Variants in MAGI2 observed in about 807,000 individuals in gnomAD.
MAGI2 encodes membrane-associated guanylate kinase, WW and PDZ domain-containing protein 2.
In MAGI2, 35 loss-of-function variants were observed where a neutral mutation model predicts 133.3. That is an observed-to-expected ratio of 0.26 (90% CI 0.20 to 0.35). MAGI2 has a LOEUF of 0.35. Among genes scored for constraint, MAGI2 ranks in the 10% least tolerant of loss-of-function variants. The pLI is 1.00. For missense variants in MAGI2, 1,636 were observed against 1,863.4 expected, an observed-to-expected ratio of 0.88 and a Z score of 2.25; for synonymous variants, 729 against 710.6, an observed-to-expected ratio of 1.03 and a Z score of -0.41.
chr7:78,230,476 A>T (rs1789851179), intron 10 of MAGI2, among the ~76,000 whole-genome samples: 1 of 152,200 alleles, frequency 6.6e-6, no homozygotes, highest in Non-Finnish European at 1.5e-5. Context: ...TTTAGTGAAT[A>T]TGCAATTTTT....
At chr7:78,974,998 A>G (rs1035915891) in intron 2 of MAGI2, among the ~76,000 whole-genome samples, 1 of 151,772 alleles carries the variant, frequency 6.6e-6, no homozygotes, top group African/African-American at 2.4e-5. Flanking sequence ...CTAAATGTGT[A>G]TGTACCTAAC....
intron 2 of MAGI2, among the ~76,000 whole-genome samples, chr7:78,875,839 A>G (rs1446714839): frequency 6.6e-6 from 1 of 152,210 alleles, no homozygotes; most frequent in Non-Finnish European, 1.5e-5. Context: ...TATGATCTCA[A>G]TGAGTAAACA....
At chr7:79,021,742 G>C (rs1303336430) in intron 1 of MAGI2, among the ~76,000 whole-genome samples, 1 of 152,168 alleles carries the variant, frequency 6.6e-6, no homozygotes, top group Non-Finnish European at 1.5e-5. Flanking sequence ...ATGCTGGAAT[G>C]AATTAAGATT....
chr7:79,057,107 A>G (rs1813217383), intron 1 of MAGI2, among the ~76,000 whole-genome samples: 1 of 152,214 alleles, frequency 6.6e-6, no homozygotes, highest in African/African-American at 2.4e-5. Context: ...AAGCTCACAG[A>G]ACATCTTGTA....
At position 78,889,441 on chromosome 7, in the gene MAGI2, G is replaced by A. The variant is rs1358704023; in HGVS notation, c.418+117649C>T. On this transcript the variant is annotated intron_variant, in intron 2 of 21. Transcript: ENST00000354212. ...ACACATAATTGTCAGATTCAGCAAA[G>A]TTGAAATGAGGAAATAATGTTAAGG... 3.9e-5 allele frequency among the ~76,000 whole-genome samples: 6 copies of A among 152,200 alleles called. No homozygotes were observed. The East Asian group carries it at 1.2e-3, about 29-fold the overall frequency.
intron 2 of MAGI2, among the ~76,000 whole-genome samples, chr7:78,792,634 TA>T (rs1158093366): frequency 2.6e-5 from 4 of 152,238 alleles, no homozygotes; most frequent in Admixed American, 2.0e-4. Context: ...TTTTATGGTT[TA>T]TTTGCTTTTT....
At chr7:79,130,827 GTTAA>G (rs1250227095) in intron 1 of MAGI2, among the ~76,000 whole-genome samples, 1 of 152,184 alleles carries the variant, frequency 6.6e-6, no homozygotes, top group Non-Finnish European at 1.5e-5. Flanking sequence ...GCTCACAGAA[GTTAA>G]TTAACCAAGC....
chr7:79,159,646 A>G (rs1824170503), intron 1 of MAGI2, among the ~76,000 whole-genome samples: 1 of 152,074 alleles, frequency 6.6e-6, no homozygotes, highest in African/African-American at 2.4e-5. Flanking sequence ...ACAAATATTA[A>G]CTTATTTTTA....
chr7:79,176,538 T>G (rs1375293074), intron 1 of MAGI2, among the ~76,000 whole-genome samples: 1 of 152,078 alleles, frequency 6.6e-6, no homozygotes, highest in Non-Finnish European at 1.5e-5. Flanking sequence ...GGTGTACTAG[T>G]GGCCTCTTGG....
intron 1 of MAGI2, among the ~76,000 whole-genome samples, chr7:79,114,288 T>C (rs1024551218): frequency 2.0e-5 from 3 of 152,174 alleles, no homozygotes; most frequent in African/African-American, 7.2e-5. Context: ...ATGAAGGATA[T>C]TGTCTTGCAG....
intron 1 of MAGI2, among the ~76,000 whole-genome samples, chr7:79,382,903 A>T (rs1412794783): frequency 6.6e-6 from 1 of 151,590 alleles, no homozygotes; most frequent in Non-Finnish European, 1.5e-5. Context: ...GTCATACATT[A>T]TGAAAGACCT....
intron 3 of MAGI2, among the ~76,000 whole-genome samples, chr7:78,587,887 A>G (rs1393904476): frequency 6.6e-6 from 1 of 152,254 alleles, no homozygotes; most frequent in Non-Finnish European, 1.5e-5. Context: ...GGTATTCATT[A>G]CATTGGTTAC....
intron 1 of MAGI2, among the ~76,000 whole-genome samples, chr7:79,168,930 A>G (rs1825244927): frequency 1.6e-5 from 2 of 122,638 alleles, no homozygotes; most frequent in Non-Finnish European, 3.4e-5. Context: ...ATATATATAT[A>G]TATAAATTTT....
chr7:78,288,732 G>A (rs755140067), intron 9 of MAGI2, among the ~76,000 whole-genome samples: 87 of 152,324 alleles, frequency 5.7e-4, no homozygotes, highest in Admixed American at 1.1e-3. Context: ...GTGCAGCCGG[G>A]TGCCCCTCTG....
chr7:78,746,165 GCCT>G (rs1216911860), intron 2 of MAGI2, among the ~76,000 whole-genome samples: 6 of 152,136 alleles, frequency 3.9e-5, no homozygotes, highest in African/African-American at 1.4e-4. Context: ...AATATTGCAT[GCCT>G]CCTGACTTTG....
At chr7:79,046,106 A>G (rs1812159575) in intron 1 of MAGI2, among the ~76,000 whole-genome samples, 1 of 152,192 alleles carries the variant, frequency 6.6e-6, no homozygotes, top group African/African-American at 2.4e-5. Context: ...ACAATTTCAA[A>G]GATAGCTTAA....
At chr7:78,386,799 C>T (rs1795430490) in intron 6 of MAGI2, among the ~76,000 whole-genome samples, 1 of 152,168 alleles carries the variant, frequency 6.6e-6, no homozygotes, top group African/African-American at 2.4e-5. Context: ...TGGTACCAGA[C>T]AGGGTAGCCA....
At position 78,825,867 on chromosome 7, in the gene MAGI2, T is replaced by C. The variant is rs536079574; in HGVS notation, c.418+181223A>G. On this transcript the variant is annotated intron_variant, in intron 2 of 21. Transcript: ENST00000354212. ...AGATGTCTCCAACCGATTTGAAAAT[T>C]TATATCCACACAATAAACTCTGTGT... Among the ~76,000 whole-genome samples the C allele has an allele frequency of 2.6e-5, 4 of 152,314 alleles. No individual in the cohort carries two copies. The South Asian group carries it at 6.2e-4, about 24-fold the overall frequency.
intron 10 of MAGI2, among the ~76,000 whole-genome samples, chr7:78,217,975 C>T (rs901182812): frequency 3.9e-5 from 6 of 152,116 alleles, no homozygotes; most frequent in African/African-American, 7.2e-5. Flanking sequence ...TTCAAGCTGC[C>T]GTTTTACTTA....
Sources: gnomAD v4.1 joint callset for allele counts (sites outside exome capture counted in the v4.1 genomes callset) on GRCh38, gnomAD v4.1.1 for gene constraint, MANE v1.5 for transcripts, NCBI Gene and HGNC (gene_info 2026-07-23, HGNC 2026-07-21) for gene names.